The following CDC42BPB variants were observed in gnomAD, a reference collection of about 807,000 sequenced individuals.
The protein encoded by CDC42BPB is serine/threonine-protein kinase MRCK beta.
A neutral mutation model predicts 214.9 loss-of-function variants in CDC42BPB; 37 were observed. The observed-to-expected ratio is 0.17, with a 90% confidence interval of 0.13 to 0.23. The LOEUF (loss-of-function observed/expected upper bound fraction) is 0.23. Among genes scored for constraint, CDC42BPB ranks in the 10% least tolerant of loss-of-function variants. The probability of loss-of-function intolerance (pLI) is 1.00; values close to 1 mark genes in which losing one functional copy is unlikely to be tolerated. For missense variants in CDC42BPB, 1,694 were observed against 2,227.0 expected (o/e 0.76, Z 4.82); for synonymous variants, 931 against 884.0 (o/e 1.05, Z -0.94).
chr14:103,039,292 C>CAA lies in CDC42BPB; in HGVS notation c.175+17705_175+17706dup, dbSNP rs202028122. On this transcript the variant is annotated intron_variant, in intron 1 of 36. Coordinates refer to ENST00000361246, the MANE Select transcript of CDC42BPB (RefSeq NM_006035.4). The stretch of plus-strand genomic sequence containing the variant: ...GGCCAGTATTATCTTGATACCAAAC[C>CAA]AAAAAAAAAAAAAAAAAAAAGACAT... Among the ~76,000 whole-genome samples, 113 of 70,632 alleles carry CAA rather than the reference C, an allele frequency of 1.6e-3. 2 individuals are homozygous for CAA. The highest frequency in any genetic ancestry group is 3.5e-3 in the African/African-American group (82 of 23,530). The allele number at this position is 70,632 out of a possible 152,430, so 46.3% of individuals were successfully genotyped here.
intron 4 of CDC42BPB, among the ~76,000 whole-genome samples, chr14:103,000,834 G>A (rs775829256): frequency 6.6e-6 from 1 of 152,176 alleles, no homozygotes; most frequent in Non-Finnish European, 1.5e-5. Context: ...CTTGCCTCTG[G>A]CACCAAGACC....
Position 102,959,508 on chromosome 14 carries a change from G to C in CDC42BPB, c.2901+123C>G, listed in dbSNP as rs761326321. 238 of 679,344 alleles carry C rather than the reference G, an allele frequency of 3.5e-4. 1 individual carries two copies. Among genetic ancestry groups the C allele is most frequent in the Non-Finnish European group, 1.1e-4 (42 of 395,664 alleles). 42.1% of individuals were successfully genotyped at this position (679,344 alleles called of 1,614,324 possible). A position where few individuals can be genotyped will look rare whatever the true frequency, so the allele number is the denominator to read the frequency against. ...AATTACACAGTTAGCACAACGCTGA[G>C]ATAAACACTGAATGTATATTTACTG... On this transcript the variant is annotated intron_variant, in intron 21 of 36. Coordinates refer to ENST00000361246, the MANE Select transcript of CDC42BPB (RefSeq NM_006035.4).
chr14:103,029,578 C>T (rs1366644355), intron 1 of CDC42BPB, among the ~76,000 whole-genome samples: 2 of 147,490 alleles, frequency 1.4e-5, no homozygotes, highest in African/African-American at 5.0e-5. Flanking sequence ...CTAGATTGGC[C>T]AGGCGTGGTG....
chr14:103,025,200 A>T (rs1310590571), intron 1 of CDC42BPB, among the ~76,000 whole-genome samples: 1 of 152,134 alleles, frequency 6.6e-6, no homozygotes, highest in Admixed American at 6.5e-5. Flanking sequence ...ATTACTTGAG[A>T]ACTGGTAATT....
intron 1 of CDC42BPB, among the ~76,000 whole-genome samples, chr14:103,055,380 G>A (rs1188098631): frequency 2.0e-5 from 3 of 152,190 alleles, no homozygotes; most frequent in African/African-American, 7.2e-5. Context: ...CCAAGATCAT[G>A]CCACTGCACT....
chr14:103,007,672 CG>C (rs1885915752), intron 3 of CDC42BPB, among the ~76,000 whole-genome samples: 1 of 152,198 alleles, frequency 6.6e-6, no homozygotes, highest in Non-Finnish European at 1.5e-5. Flanking sequence ...CAGAGACACA[CG>C]GGGCCACAGC....
chr14:102,934,841 G>C (rs758306918), intron 36 of CDC42BPB, among the ~76,000 whole-genome samples: 1 of 151,434 alleles, frequency 6.6e-6, no homozygotes, highest in Non-Finnish European at 1.5e-5. Context: ...CCCTGTCTCT[G>C]CTAAAAATAC....
At chr14:102,952,805 A>G in intron 23 of CDC42BPB, 3 of 866,278 alleles carry the variant, frequency 3.5e-6, no homozygotes, top group Non-Finnish European at 2.8e-6. Flanking sequence ...AGCCAGAGAG[A>G]GGCCAACAAA....
In CDC42BPB at chr14:103,005,499, G is replaced by C. The variant is rs2139615717; in HGVS notation, c.352-1476C>G. On this transcript the variant is annotated intron_variant, in intron 3 of 36. Coordinates refer to ENST00000361246, the MANE Select transcript of CDC42BPB (RefSeq NM_006035.4). ...AAGGCGGGAGGATCACTTGAGCCTA[G>C]GAGTTTGAGACCAGCCTGGGCAACA... Among the ~76,000 whole-genome samples the C allele has an allele frequency of 2.0e-5, 3 of 151,672 alleles. No homozygotes were observed. The East Asian group carries it at 5.9e-4, about 30-fold the overall frequency.
chr14:102,965,849 G>A (rs1028543302), intron 18 of CDC42BPB, among the ~76,000 whole-genome samples: 4 of 152,080 alleles, frequency 2.6e-5, no homozygotes, highest in East Asian at 1.9e-4. Context: ...CCAGCTACTC[G>A]GGGGGGCTGA....
chr14:103,011,730 C>T (rs111935072), intron 2 of CDC42BPB, among the ~76,000 whole-genome samples: 2 of 152,144 alleles, frequency 1.3e-5, no homozygotes, highest in South Asian at 2.1e-4. Flanking sequence ...GGTGACAGTG[C>T]AAGACGTCCA....
At chr14:102,960,749 G>A (rs1595468710) in intron 20 of CDC42BPB, among the ~76,000 whole-genome samples, 1 of 152,264 alleles carries the variant, frequency 6.6e-6, no homozygotes, top group Admixed American at 6.5e-5. Flanking sequence ...AAAACCAGCA[G>A]GAAAAATAGC....
chr14:102,944,742 C>T lies in CDC42BPB; in HGVS notation c.3812-255G>A. 6 of 851,262 alleles carry T rather than the reference C, an allele frequency of 7.0e-6. No homozygotes were observed. Among genetic ancestry groups the T allele is most frequent in the Non-Finnish European group, 8.5e-6 (6 of 707,686 alleles). 52.7% of individuals were successfully genotyped at this position (851,262 alleles called of 1,614,324 possible). ...CTCGGGGGCTGGTCCAAAGGCTCCT[C>T]TGCCTCTGCTGCTGTGCACACCCCT... On this transcript the variant is annotated intron_variant, in intron 29 of 36. Coordinates refer to ENST00000361246, the MANE Select transcript of CDC42BPB (RefSeq NM_006035.4). This position sits in a 1 kb window ranked among gnomAD's most constrained non-coding sequence, Gnocchi z 6.6.
chr14:103,034,669 T>C (rs915086560), intron 1 of CDC42BPB, among the ~76,000 whole-genome samples: 4 of 151,886 alleles, frequency 2.6e-5, no homozygotes, highest in Admixed American at 6.6e-5. Flanking sequence ...AAATACAAAA[T>C]TAGCCAGGTG....
rs978272393 is a variant in CDC42BPB, at chr14:102,933,548, G to A, written c.*164C>T. 3.4e-5 allele frequency: 19 copies of A among 564,214 alleles called. No individual in the cohort carries two copies. Among genetic ancestry groups the A allele is most frequent in the Admixed American group, 8.6e-5 (2 of 23,176 alleles). The allele number at this position is 564,214 out of a possible 1,614,324, so 35.0% of individuals were successfully genotyped here. A position where few individuals can be genotyped will look rare whatever the true frequency, so the allele number is the denominator to read the frequency against. The stretch of plus-strand genomic sequence containing the variant: ...TGTGGTCTACTGCCACGAACAATGC[G>A]GCATAAAACTGATCAATATTATAAT... On this transcript the variant is annotated 3_prime_UTR_variant, in exon 37 of 37. Coordinates refer to ENST00000361246, the MANE Select transcript of CDC42BPB (RefSeq NM_006035.4).
intron 9 of CDC42BPB, among the ~76,000 whole-genome samples, chr14:102,976,658 T>C (rs35459127): frequency 0.02 from 3,083 of 152,362 alleles, 53 homozygotes; most frequent in Non-Finnish European, 0.031. Flanking sequence ...GCTCTTTATG[T>C]GACAATGAAG....
At chr14:103,030,540 A>G (rs1442439580) in intron 1 of CDC42BPB, among the ~76,000 whole-genome samples, 2 of 152,154 alleles carry the variant, frequency 1.3e-5, no homozygotes, top group Non-Finnish European at 1.5e-5. Context: ...TGCTAAAAAT[A>G]TAAAAATTAG....
intron 28 of CDC42BPB, 99 bp from the exon 29 acceptor site, chr14:102,945,823 C>G: frequency 9.9e-7 from 1 of 1,010,060 alleles, no homozygotes. Flanking sequence ...TACTTTTCAA[C>G]CATATGTGGA....
At chr14:103,005,149 C>CA (rs1471252313) in intron 3 of CDC42BPB, among the ~76,000 whole-genome samples, 8 of 144,154 alleles carry the variant, frequency 5.5e-5, no homozygotes, top group Non-Finnish European at 1.2e-4. Context: ...GCCTGGGCGA[C>CA]AAAGCGAGAC....
Sources: allele counts gnomAD v4.1 joint callset (sites outside exome capture counted in the v4.1 genomes callset), GRCh38; gene constraint gnomAD v4.1.1; non-coding constraint Gnocchi (gnomAD v3.1); transcripts MANE v1.5; gene names NCBI Gene and HGNC (gene_info 2026-07-23, HGNC 2026-07-21).